The following TMEM243 variants were observed in gnomAD, a reference collection of about 807,000 sequenced individuals.
The protein encoded by TMEM243 is MDR1 and mitochondrial taxol resistance associated.
TMEM243 carries 20 observed loss-of-function variants against 15.0 expected under a neutral mutation model. The ratio of observed to expected loss-of-function variants is 1.33; its 90% CI spans 0.94 to 1.93. The LOEUF (loss-of-function observed/expected upper bound fraction) is 1.93. Ranked by LOEUF, TMEM243 falls within the 30% of genes most tolerant of loss-of-function variation. The pLI is 0.00. For synonymous variants in TMEM243, 72 were observed against 52.7 expected (o/e 1.37, Z -1.59); for missense variants, 156 against 142.1 (o/e 1.10, Z -0.50).
intron 1 of TMEM243, among the ~76,000 whole-genome samples, chr7:87,204,099 C>A (rs1232435805): frequency 6.6e-6 from 1 of 152,092 alleles, no homozygotes; most frequent in Non-Finnish European, 1.5e-5. Flanking sequence ...TGATGGCAGG[C>A]AAGAGAGAAA....
chr7:87,202,679 A>C (rs1393176621), intron 1 of TMEM243, among the ~76,000 whole-genome samples: 1 of 152,242 alleles, frequency 6.6e-6, no homozygotes, highest in Non-Finnish European at 1.5e-5. Context: ...ACAAAAGACA[A>C]GTGTAATGAA....
chr7:87,212,230 A>T (rs1802805773), intron 1 of TMEM243, among the ~76,000 whole-genome samples: 1 of 152,164 alleles, frequency 6.6e-6, no homozygotes, highest in African/African-American at 2.4e-5. Flanking sequence ...CTAAGGGGGA[A>T]TCTTACCAAT....
At position 87,219,540 on chromosome 7, in the gene TMEM243, G is replaced by A; in HGVS notation, c.-37C>T. ...TTCACTTTCCCCAAGCCACTTAAAA[G>A]CAAGACAGCATGACCTCCCGAGGTC... On this transcript the variant is annotated 5_prime_UTR_variant, in exon 1 of 4. Transcript: ENST00000257637. 6.3e-7 allele frequency: 1 copy of A among 1,595,984 alleles called. No homozygotes were observed. The highest frequency in any genetic ancestry group is 8.6e-7 in the Non-Finnish European group (1 of 1,163,926).
chr7:87,209,482 TAGTGAGAGAG>T (rs769993758), intron 1 of TMEM243, among the ~76,000 whole-genome samples: 3,959 of 112,660 alleles, frequency 0.035, 73 homozygotes, highest in East Asian at 0.081. Context: ...GAGAGTGAGA[TAGTGAGAGAG>T]AGAGAGAGAG....
intron 1 of TMEM243, among the ~76,000 whole-genome samples, chr7:87,209,224 G>C (rs1411978618): frequency 6.6e-6 from 1 of 152,118 alleles, no homozygotes; most frequent in East Asian, 1.9e-4. Context: ...GTTCCACATG[G>C]CTGGGGAGAC....
At chr7:87,217,231 A>G (rs981190802) in intron 1 of TMEM243, among the ~76,000 whole-genome samples, 2 of 152,212 alleles carry the variant, frequency 1.3e-5, no homozygotes, top group Non-Finnish European at 2.9e-5. Context: ...ATGTTCTCAG[A>G]ACTTGTAGTT....
intron 1 of TMEM243, among the ~76,000 whole-genome samples, chr7:87,212,385 T>A (rs1294204346): frequency 1.3e-5 from 2 of 151,988 alleles, no homozygotes; most frequent in African/African-American, 4.8e-5. Context: ...CTTCAGCAAC[T>A]CAGAAAATAT....
Position 87,219,669 on chromosome 7 carries a change from G to C in TMEM243, c.-166C>G. On this transcript the variant is annotated 5_prime_UTR_variant, in exon 1 of 4. Coordinates refer to ENST00000257637, the MANE Select transcript of TMEM243 (RefSeq NM_024315.4). Reference sequence around the variant, plus strand: ...GGGATGGGTGGGGGCTCACACGCGGGGAACGCGACTGCTCCGCCCCGGCCC... The same window carrying C: ...GGGATGGGTGGGGGCTCACACGCGGCGAACGCGACTGCTCCGCCCCGGCCC... 1 of 627,066 alleles carries C rather than the reference G, an allele frequency of 1.6e-6. No individual in the cohort carries two copies. Among genetic ancestry groups the C allele is most frequent in the East Asian group, 2.8e-5 (1 of 36,110 alleles). The allele number at this position is 627,066 out of a possible 1,614,324, so 38.8% of individuals were successfully genotyped here.
intron 1 of TMEM243, among the ~76,000 whole-genome samples, chr7:87,203,346 C>G (rs1562879839): frequency 6.6e-6 from 1 of 152,158 alleles, no homozygotes. Context: ...GGCATGGTGG[C>G]TCACACCTGT....
intron 1 of TMEM243, among the ~76,000 whole-genome samples, chr7:87,209,937 CAG>C (rs1562885957): frequency 4.2e-5 from 5 of 119,768 alleles, no homozygotes; most frequent in African/African-American, 9.9e-5. Flanking sequence ...GAGAGAGAAA[CAG>C]GAGGGGGACA....
chr7:87,201,910 A>G lies in TMEM243; in HGVS notation c.79-2853T>C, dbSNP rs546771550. Among the ~76,000 whole-genome samples, 24 of 152,308 alleles carry G rather than the reference A, an allele frequency of 1.6e-4. No individual in the cohort carries two copies. The South Asian group carries it at 4.3e-3, about 28-fold the overall frequency. Reference sequence around the variant, plus strand: ...AAGCTTGACAGGACAAAGGATGGCAATTAGCCTGGATCCTTGCCTGCTGAG... The same window carrying G: ...AAGCTTGACAGGACAAAGGATGGCAGTTAGCCTGGATCCTTGCCTGCTGAG... On this transcript the variant is annotated intron_variant, in intron 1 of 3. Transcript: ENST00000257637.
intron 1 of TMEM243, among the ~76,000 whole-genome samples, chr7:87,204,164 CTCAT>C (rs1388514450): frequency 6.6e-6 from 1 of 152,176 alleles, no homozygotes; most frequent in African/African-American, 2.4e-5. Context: ...TCTTGTGAGA[CTCAT>C]TCACTACTAC....
intron 1 of TMEM243, chr7:87,199,293 A>G (rs1310161413): frequency 4.6e-6 from 2 of 434,482 alleles, no homozygotes; most frequent in South Asian, 4.7e-5. Context: ...CATTTATACT[A>G]GAGTCTTGAT....
chr7:87,205,278 G>T (rs1252013738), intron 1 of TMEM243, among the ~76,000 whole-genome samples: 4 of 152,162 alleles, frequency 2.6e-5, no homozygotes, highest in African/African-American at 4.8e-5. Flanking sequence ...TTGTCTTGGG[G>T]ATTAACATTT....
chr7:87,219,394 C>T (rs190397324), intron 1 of TMEM243, 32 bp downstream of exon 1: 1 of 1,607,422 alleles, frequency 6.2e-7, no homozygotes, highest in Non-Finnish European at 8.5e-7. Context: ...ACACACCCCC[C>T]ATCCCAGTCT....
intron 1 of TMEM243, among the ~76,000 whole-genome samples, chr7:87,209,517 T>A (rs796807490): frequency 3.2e-3 from 206 of 64,538 alleles, no homozygotes; most frequent in African/African-American, 0.011. Context: ...AGAAAGACAG[T>A]GAGAGAGAGA....
intron 1 of TMEM243, among the ~76,000 whole-genome samples, chr7:87,210,784 A>G (rs1342717804): frequency 6.6e-6 from 1 of 152,166 alleles, no homozygotes; most frequent in African/African-American, 2.4e-5. Context: ...CAGGCATACA[A>G]TGCAATCCAT....
intron 1 of TMEM243, among the ~76,000 whole-genome samples, chr7:87,200,063 C>T (rs1039573468): frequency 6.6e-6 from 1 of 152,122 alleles, no homozygotes; most frequent in Non-Finnish European, 1.5e-5. Flanking sequence ...AGAGCAGCAA[C>T]CGAATTCTCA....
chr7:87,205,313 C>T (rs965913517), intron 1 of TMEM243, among the ~76,000 whole-genome samples: 7 of 152,224 alleles, frequency 4.6e-5, no homozygotes, highest in African/African-American at 1.4e-4. Context: ...GTGCAAATTT[C>T]CACAGCTGAC....
Sources: allele counts gnomAD v4.1 joint callset (sites outside exome capture counted in the v4.1 genomes callset), GRCh38; gene constraint gnomAD v4.1.1; transcripts MANE v1.5; gene names NCBI Gene and HGNC (gene_info 2026-07-23, HGNC 2026-07-21).